The following SKAP1 variants were observed in gnomAD, a reference collection of about 807,000 sequenced individuals.
SKAP1 encodes the protein src kinase-associated phosphoprotein 1.
A neutral mutation model predicts 58.5 loss-of-function variants in SKAP1; 44 were observed. The observed-to-expected ratio is 0.75, with a 90% CI of 0.59 to 0.97. SKAP1 has a LOEUF of 0.97. Ranked by LOEUF, SKAP1 falls within the 50% of genes least tolerant of loss-of-function variation. The pLI is 0.00. For missense variants in SKAP1, 390 were observed against 435.2 expected (o/e 0.90, Z 0.92); for synonymous variants, 127 against 149.7 (o/e 0.85, Z 1.11).
chr17:48,166,134 G>T (rs959646521), intron 10 of SKAP1, among the ~76,000 whole-genome samples: 2 of 152,148 alleles, frequency 1.3e-5, no homozygotes, highest in African/African-American at 2.4e-5. Context: ...AGAAGCTAAT[G>T]GGTATGATCA....
chr17:48,161,238 T>C (rs2064063785), intron 11 of SKAP1, among the ~76,000 whole-genome samples: 1 of 152,064 alleles, frequency 6.6e-6, no homozygotes, highest in African/African-American at 2.4e-5. Flanking sequence ...AGATAAAAGA[T>C]ACTGACACAT....
intron 10 of SKAP1, 63 bp downstream of exon 10, chr17:48,170,546 C>A: frequency 7.2e-7 from 1 of 1,391,048 alleles, no homozygotes; most frequent in Admixed American, 1.7e-5. Context: ...GAGAAAGGTG[C>A]TTTCTCTAAT....
intron 2 of SKAP1, among the ~76,000 whole-genome samples, chr17:48,395,185 G>A (rs1207472667): frequency 6.6e-6 from 1 of 152,072 alleles, no homozygotes; most frequent in African/African-American, 2.4e-5. Flanking sequence ...TTTTAAAAGA[G>A]GATTAAGAAG....
chr17:48,141,629 G>A (rs760302150), intron 11 of SKAP1, among the ~76,000 whole-genome samples: 8 of 151,910 alleles, frequency 5.3e-5, no homozygotes, highest in African/African-American at 1.9e-4. Flanking sequence ...TGCCTGCCTC[G>A]GTCTCCCAAA....
the SKAP1 span, among the ~76,000 whole-genome samples, chr17:48,443,220 T>G: frequency 2.0e-5 from 3 of 152,228 alleles, no homozygotes; most frequent in Admixed American, 1.3e-4. Flanking sequence ...CCTGTAGCAT[T>G]TAGCACCTGC....
At chr17:48,288,166 A>C (rs1032802137) in intron 4 of SKAP1, among the ~76,000 whole-genome samples, 39 of 152,364 alleles carry the variant, frequency 2.6e-4, no homozygotes, top group African/African-American at 9.1e-4. Context: ...AGTTTAAGAC[A>C]AGTGGTAACA....
intron 4 of SKAP1, among the ~76,000 whole-genome samples, chr17:48,194,808 C>T (rs564070823): frequency 6.6e-6 from 1 of 152,148 alleles, no homozygotes; most frequent in South Asian, 2.1e-4. Flanking sequence ...GGGACCTAAC[C>T]AACTTGAGCC....
chr17:48,366,058 C>A (rs1326593786), intron 2 of SKAP1, among the ~76,000 whole-genome samples: 1 of 151,940 alleles, frequency 6.6e-6, no homozygotes. Context: ...GTCCATAAAC[C>A]CCCCAAAAAG....
chr17:48,439,813 C>T, the SKAP1 span, among the ~76,000 whole-genome samples: 8 of 152,164 alleles, frequency 5.3e-5, no homozygotes, highest in African/African-American at 1.9e-4. Context: ...ATGAGATGCA[C>T]TAAACATGAG....
chr17:48,306,638 A>G (rs1428215866), intron 4 of SKAP1, among the ~76,000 whole-genome samples: 1 of 152,244 alleles, frequency 6.6e-6, no homozygotes, highest in African/African-American at 2.4e-5. Flanking sequence ...GTTATTTACC[A>G]TAGTAGGTAT....
chr17:48,350,253 A>G (rs993866047), intron 3 of SKAP1, among the ~76,000 whole-genome samples: 8 of 152,162 alleles, frequency 5.3e-5, no homozygotes, highest in African/African-American at 1.9e-4. Context: ...CAGAGAAAAC[A>G]TATATGTTTG....
chr17:48,282,448 T>G (rs1413126594), intron 4 of SKAP1, among the ~76,000 whole-genome samples: 1 of 152,184 alleles, frequency 6.6e-6, no homozygotes, highest in Non-Finnish European at 1.5e-5. Context: ...AGCTAACATA[T>G]TGCATAACCA....
At chr17:48,431,815 C>T (rs976963941), upstream of SKAP1, among the ~76,000 whole-genome samples, 2 of 152,042 alleles carry the variant, frequency 1.3e-5, no homozygotes, top group Non-Finnish European at 2.9e-5. Flanking sequence ...GTTTTTACAA[C>T]AGCCATAAGG....
At chr17:48,215,910 G>A (rs1446648564) in intron 4 of SKAP1, among the ~76,000 whole-genome samples, 1 of 152,186 alleles carries the variant, frequency 6.6e-6, no homozygotes, top group East Asian at 1.9e-4. Context: ...TCACCTTTCA[G>A]GAGAGCCCCT....
At chr17:48,442,347 A>C in the SKAP1 span, among the ~76,000 whole-genome samples, 1 of 152,170 alleles carries the variant, frequency 6.6e-6, no homozygotes, top group Non-Finnish European at 1.5e-5. Context: ...AAAGCAATCT[A>C]TCCATCATAC....
At chr17:48,244,392 T>C (rs746332594) in intron 4 of SKAP1, among the ~76,000 whole-genome samples, 77 of 152,164 alleles carry the variant, frequency 5.1e-4, no homozygotes, top group Non-Finnish European at 1.1e-3. Context: ...ACAGGGGAGA[T>C]TGACGCCATA....
chr17:48,383,220 G>C (rs2067238837), intron 2 of SKAP1, among the ~76,000 whole-genome samples: 1 of 152,200 alleles, frequency 6.6e-6, no homozygotes, highest in African/African-American at 2.4e-5. Context: ...TTTTGAGAAG[G>C]AGGAAGTGAA....
At chr17:48,206,830 A>G (rs566672978) in intron 4 of SKAP1, among the ~76,000 whole-genome samples, 1 of 152,278 alleles carries the variant, frequency 6.6e-6, no homozygotes, top group Non-Finnish European at 1.5e-5. Flanking sequence ...TGATTAAAAA[A>G]AATTTTTTTG....
At chr17:48,149,745 A>G (rs1418440514) in intron 11 of SKAP1, among the ~76,000 whole-genome samples, 1 of 152,106 alleles carries the variant, frequency 6.6e-6, no homozygotes, top group African/African-American at 2.4e-5. Flanking sequence ...ACATTTAGAG[A>G]GCTCATTATG....
Sources: allele counts gnomAD v4.1 joint callset (sites outside exome capture counted in the v4.1 genomes callset), GRCh38; gene constraint gnomAD v4.1.1; transcripts MANE v1.5; gene names NCBI Gene and HGNC (gene_info 2026-07-23, HGNC 2026-07-21).